Variants in SLC25A13 observed in about 807,000 individuals in gnomAD.
The protein encoded by SLC25A13 is electrogenic aspartate/glutamate antiporter SLC25A13, mitochondrial.
In SLC25A13, 70 loss-of-function variants were observed where a neutral mutation model predicts 85.5. The observed-to-expected ratio is 0.82, with a 90% CI of 0.68 to 1.00. SLC25A13 has a LOEUF of 1.00. Among genes scored for constraint, SLC25A13 ranks in the 50% least tolerant of loss-of-function variants. The probability of loss-of-function intolerance (pLI) is 0.00; values close to 1 mark genes in which losing one functional copy is unlikely to be tolerated. For missense variants in SLC25A13, 765 were observed against 819.8 expected (o/e 0.93, Z 0.82); for synonymous variants, 259 against 288.7 (o/e 0.90, Z 1.04).
intron 3 of SLC25A13, among the ~76,000 whole-genome samples, chr7:96,271,545 T>C (rs1402824609): frequency 6.6e-6 from 1 of 152,170 alleles, no homozygotes; most frequent in Non-Finnish European, 1.5e-5. Context: ...CTCAGAACAC[T>C]GAAAAGGCCA....
chr7:96,292,688 A>C (rs1393914246), intron 2 of SLC25A13, among the ~76,000 whole-genome samples: 1 of 152,202 alleles, frequency 6.6e-6, no homozygotes, highest in Non-Finnish European at 1.5e-5. Flanking sequence ...AATTGCTTCA[A>C]AGAAAATAAA....
chr7:96,319,945 T>C (rs966547578), intron 1 of SLC25A13, among the ~76,000 whole-genome samples: 5 of 152,248 alleles, frequency 3.3e-5, no homozygotes, highest in Admixed American at 6.5e-5. Context: ...TCTACTATTA[T>C]GTAGAAGTAC....
intron 12 of SLC25A13, 122 bp downstream of exon 12, chr7:96,171,350 C>CTGCTT (rs1426571557): frequency 2.3e-6 from 2 of 854,330 alleles, no homozygotes; most frequent in African/African-American, 3.4e-5. Context: ...GTGAGTTCCC[C>CTGCTT]TGCTTTCAAA....
At chr7:96,160,591 C>T (rs1793469550) in intron 13 of SLC25A13, among the ~76,000 whole-genome samples, 1 of 152,138 alleles carries the variant, frequency 6.6e-6, no homozygotes, top group Admixed American at 6.5e-5. Context: ...GGAGTGGGGA[C>T]CTCCCTGGGA....
intron 11 of SLC25A13, among the ~76,000 whole-genome samples, chr7:96,177,391 CCT>C (rs1277098386): frequency 6.6e-6 from 1 of 152,190 alleles, no homozygotes; most frequent in Non-Finnish European, 1.5e-5. Context: ...TGATCCTTAA[CCT>C]CTGCTGACAA....
At chr7:96,242,072 A>T (rs1797019841) in intron 3 of SLC25A13, among the ~76,000 whole-genome samples, 1 of 152,192 alleles carries the variant, frequency 6.6e-6, no homozygotes, top group Non-Finnish European at 1.5e-5. Flanking sequence ...TCCAATTACC[A>T]CTTTTACTGA....
chr7:96,232,961 C>G (rs373953585), intron 4 of SLC25A13, among the ~76,000 whole-genome samples: 2 of 152,328 alleles, frequency 1.3e-5, no homozygotes, highest in East Asian at 3.9e-4. Context: ...TTCTTCTAAT[C>G]ACACTAACAC....
At chr7:96,299,005 A>G (rs1799455022) in intron 1 of SLC25A13, among the ~76,000 whole-genome samples, 1 of 152,200 alleles carries the variant, frequency 6.6e-6, no homozygotes. Flanking sequence ...ATCTCATGGA[A>G]GTACATAACA....
chr7:96,136,527 G>C (rs4729235), intron 14 of SLC25A13, among the ~76,000 whole-genome samples: 56,336 of 152,012 alleles, frequency 0.37, 10,752 homozygotes, highest in East Asian at 0.59. Flanking sequence ...AGCAATTTCC[G>C]ATGTCTCTTT....
Position 96,194,442 on chromosome 7 carries a change from C to CAAAAAAAAAAAAAAAA in SLC25A13, c.469-1275_469-1260dup, listed in dbSNP as rs546248549. ...TGGGTGACAGAGTGAAACCTTGTCT[C>CAAAAAAAAAAAAAAAA]AAAAAAAAAAAAAAAAAAAAAAAAA... On this transcript the variant is annotated intron_variant, in intron 5 of 17. Coordinates refer to ENST00000265631, the MANE Select transcript of SLC25A13 (RefSeq NM_014251.3). Among the ~76,000 whole-genome samples, 14 of 27,690 alleles carry CAAAAAAAAAAAAAAAA rather than the reference C, an allele frequency of 5.1e-4. 1 individual carries two copies. Among genetic ancestry groups the CAAAAAAAAAAAAAAAA allele is most frequent in the Admixed American group, 8.3e-4 (1 of 1,200 alleles). 18.2% of individuals were successfully genotyped at this position (27,690 alleles called of 152,430 possible). A position where few individuals can be genotyped will look rare whatever the true frequency, so the allele number is the denominator to read the frequency against.
In SLC25A13 at chr7:96,164,744, A is replaced by C. The variant is rs573917308; in HGVS notation, c.1311+5301T>G. On this transcript the variant is annotated intron_variant, in intron 13 of 17. Coordinates refer to ENST00000265631, the MANE Select transcript of SLC25A13 (RefSeq NM_014251.3). ...CACACACACACACACACACACACAC[A>C]CAAAAGAAGCAGCAGCATCCCTGTT... Among the ~76,000 whole-genome samples, 3 of 152,084 alleles carry C rather than the reference A, an allele frequency of 2.0e-5. No homozygotes were observed. The South Asian group carries it at 6.3e-4, about 32-fold the overall frequency.
chr7:96,140,965 C>T (rs181137653), intron 14 of SLC25A13, among the ~76,000 whole-genome samples: 8 of 151,244 alleles, frequency 5.3e-5, no homozygotes, highest in Admixed American at 2.6e-4. Flanking sequence ...TTTTTCTTCA[C>T]GGTAGCACCA....
intron 6 of SLC25A13, 40 bp from the exon 7 acceptor site, chr7:96,191,287 A>C (rs775287550): frequency 1.2e-6 from 2 of 1,605,620 alleles, no homozygotes; most frequent in Non-Finnish European, 1.7e-6. Flanking sequence ...AAAATATACA[A>C]AAGATTTATA....
At chr7:96,177,060 T>G (rs1458182132) in intron 11 of SLC25A13, among the ~76,000 whole-genome samples, 1 of 152,214 alleles carries the variant, frequency 6.6e-6, no homozygotes, top group African/African-American at 2.4e-5. Context: ...ACTATTTACC[T>G]CATATGTTAT....
intron 2 of SLC25A13, among the ~76,000 whole-genome samples, chr7:96,294,298 G>A (rs1799254471): frequency 6.7e-6 from 1 of 149,618 alleles, no homozygotes; most frequent in African/African-American, 2.5e-5. Context: ...GGGGAGGAGG[G>A]AGGGATAGCA....
At position 96,192,936 on chromosome 7, in the gene SLC25A13, G is replaced by T. The variant is rs1794914155; in HGVS notation, c.615+101C>A. The T allele has an allele frequency of 3.1e-6, 4 of 1,310,898 alleles. No homozygotes were observed. The African/African-American group carries it at 5.9e-5, about 19-fold the overall frequency. 81.2% of individuals were successfully genotyped at this position (1,310,898 alleles called of 1,614,324 possible). A position where few individuals can be genotyped will look rare whatever the true frequency, so the allele number is the denominator to read the frequency against. ...TATGTGATCACATTAAAATGTTAGT[G>T]TTTGCAACAGAAAAAAAACACTACA... On this transcript the variant is annotated intron_variant, in intron 6 of 17. Coordinates refer to ENST00000265631, the MANE Select transcript of SLC25A13 (RefSeq NM_014251.3).
At position 96,212,158 on chromosome 7, in the gene SLC25A13, T is replaced by C. The variant is rs573744797; in HGVS notation, c.329-3181A>G. ...ACTCTAGTGGATGGCATTCACTTCATGGTCCATGTGACTGGTGCCTCCTGG... is the reference window on the plus strand; with the variant it reads ...ACTCTAGTGGATGGCATTCACTTCACGGTCCATGTGACTGGTGCCTCCTGG... On this transcript the variant is annotated intron_variant, in intron 4 of 17. Transcript: ENST00000265631. 3.3e-5 allele frequency among the ~76,000 whole-genome samples: 5 copies of C among 152,302 alleles called. No homozygotes were observed. In the South Asian group the frequency reaches 1.0e-3, roughly 32 times the overall value.
chr7:96,187,846 G>A (rs1021377809), intron 9 of SLC25A13, among the ~76,000 whole-genome samples: 2 of 152,092 alleles, frequency 1.3e-5, no homozygotes, highest in African/African-American at 2.4e-5. Context: ...TGAATTTGTC[G>A]GGCCCACTAG....
At chr7:96,262,282 A>G (rs1368639239) in intron 3 of SLC25A13, among the ~76,000 whole-genome samples, 6 of 152,162 alleles carry the variant, frequency 3.9e-5, no homozygotes, top group African/African-American at 1.4e-4. Context: ...CAAACAATTA[A>G]TCCAGCTTAT....
Sources: gnomAD v4.1 joint callset for allele counts (sites outside exome capture counted in the v4.1 genomes callset) on GRCh38, gnomAD v4.1.1 for gene constraint, MANE v1.5 for transcripts, NCBI Gene and HGNC (gene_info 2026-07-23, HGNC 2026-07-21) for gene names.